The following LRRC8E variants were observed in gnomAD, a reference collection of about 807,000 sequenced individuals.
LRRC8E encodes leucine rich repeat containing 8 VRAC subunit E, also known as volume-regulated anion channel subunit LRRC8E.
A neutral mutation model predicts 6.1 loss-of-function variants in LRRC8E; 6 were observed. That is an observed-to-expected ratio of 0.98 (90% CI 0.54 to 1.93). The LOEUF (loss-of-function observed/expected upper bound fraction) is 1.93, where lower values mean the gene tolerates loss of function less well. Ranked by LOEUF, LRRC8E falls within the 30% of genes most tolerant of loss-of-function variation. LRRC8E has a pLI of 0.01. For synonymous variants in LRRC8E, 485 were observed against 472.8 expected, an observed-to-expected ratio of 1.03 and a Z score of -0.33; for missense variants, 1,028 against 1,031.4, an observed-to-expected ratio of 1.00 and a Z score of 0.04.
At position 7,899,878 on chromosome 19, in the gene LRRC8E, C is replaced by A; in HGVS notation, c.1356C>A (p.Phe452Leu). The A allele has an allele frequency of 6.2e-7, 1 of 1,606,148 alleles. No homozygotes were observed. Among genetic ancestry groups the A allele is most frequent in the Non-Finnish European group, 8.5e-7 (1 of 1,179,576 alleles). Residue 452 changes from phenylalanine to leucine, a missense_variant, in exon 3 of 3, where the codon TTC becomes TTA. Transcript: ENST00000306708. ...TGGAGGCCATCTGCGATATCACCTT[C>A]CCCCCGGGGCTGTCACAGCTGGTGC... ...LRLEAICDIT[F>L]PPGLSQLVHL... is the part of the protein sequence containing the mutation.
intron 1 of LRRC8E, among the ~76,000 whole-genome samples, chr19:7,894,793 G>T (rs771580597): frequency 3.9e-4 from 59 of 152,366 alleles, no homozygotes; most frequent in South Asian, 2.5e-3. Context: ...GGGCCGGCCA[G>T]GAGCCTGACA....
rs1448660725 is a variant in LRRC8E, at chr19:7,897,172, C to T, written c.138+1431C>T. 1.2e-4 allele frequency among the ~76,000 whole-genome samples: 17 copies of T among 147,452 alleles called. No individual in the cohort carries two copies. In the East Asian group the frequency reaches 3.0e-3, roughly 26 times the overall value. ...ACATTCTCCCAGTATTTTTCTTTTT[C>T]TTTTTCTTTTTTTTTTAGACAGAGT... On this transcript the variant is annotated intron_variant, in intron 2 of 2. Coordinates refer to ENST00000306708, the MANE Select transcript of LRRC8E (RefSeq NM_025061.6).
chr19:7,899,563 G>T lies in LRRC8E; in HGVS notation c.1041G>T (p.Val347=). The change falls in exon 3 of 3, where the codon GTG becomes GTT. Residue 347 remains valine (V), a synonymous_variant. Coordinates refer to ENST00000306708, the MANE Select transcript of LRRC8E (RefSeq NM_025061.6). ...RPLKEYSFRS[V]REETGMGDIP... is the part of the protein sequence containing the mutation. ...TCAAGGAGTACTCCTTCCGTTCCGT[G>T]CGGGAGGAGACTGGCATGGGGGACA... is the stretch of plus-strand genomic sequence containing the variant. The T allele has an allele frequency of 6.2e-7, 1 of 1,613,906 alleles. No homozygotes were observed. Among genetic ancestry groups the T allele is most frequent in the Non-Finnish European group, 8.5e-7 (1 of 1,180,046 alleles).
At position 7,895,600 on chromosome 19, in the gene LRRC8E, C is replaced by G. The variant is rs757956384; in HGVS notation, c.-4C>G. On this transcript the variant is annotated splice_region_variant and 5_prime_UTR_variant, in exon 2 of 3. Transcript: ENST00000306708. This position sits in a 1 kb window ranked among gnomAD's most constrained non-coding sequence, Gnocchi z 4.7. ...CCCCCGTCTCGTCCCGTCCCACAGG[C>G]AGCATGATCCCAGTGGCCGAGTTCA... 1 of 1,612,014 alleles carries G rather than the reference C, an allele frequency of 6.2e-7. No individual in the cohort carries two copies. Among genetic ancestry groups the G allele is most frequent in the East Asian group, 2.2e-5 (1 of 44,828 alleles).
chr19:7,894,751 G>A (rs511611), intron 1 of LRRC8E, among the ~76,000 whole-genome samples: 46,284 of 152,156 alleles, frequency 0.3, 7,558 homozygotes, highest in East Asian at 0.44. Flanking sequence ...TGATAGCTTG[G>A]TCTAAAAGGA....
chr19:7,895,590 G>T lies in LRRC8E; in HGVS notation c.-5-9G>T. The T allele has an allele frequency of 2.5e-6, 4 of 1,610,066 alleles. No homozygotes were observed. Among genetic ancestry groups the T allele is most frequent in the Non-Finnish European group, 3.4e-6 (4 of 1,176,626 alleles). On this transcript the variant is annotated splice_polypyrimidine_tract_variant and intron_variant, in intron 1 of 2. Coordinates refer to ENST00000306708, the MANE Select transcript of LRRC8E (RefSeq NM_025061.6). This position sits in a 1 kb window ranked among gnomAD's most constrained non-coding sequence, Gnocchi z 4.7. ...CTCTCTACACCCCCCGTCTCGTCCCGTCCCACAGGCAGCATGATCCCAGTG... is the reference window on the plus strand; with the variant it reads ...CTCTCTACACCCCCCGTCTCGTCCCTTCCCACAGGCAGCATGATCCCAGTG...
chr19:7,901,020 G>GGC lies in LRRC8E; in HGVS notation c.*108_*109insCG. 2 of 539,152 alleles carry GGC rather than the reference G, an allele frequency of 3.7e-6. 1 individual carries two copies. Among genetic ancestry groups the GGC allele is most frequent in the Non-Finnish European group, 5.1e-6 (2 of 392,066 alleles). The allele number at this position is 539,152 out of a possible 1,614,324, so 33.4% of individuals were successfully genotyped here. A position where few individuals can be genotyped will look rare whatever the true frequency, so the allele number is the denominator to read the frequency against. Reference sequence around the variant, plus strand: ...GCCAAGTGGGTCCAGGCCAGGAGATGGGGGGGGCGGGGGCAGCTGTGTCAT... The same window carrying GGC: ...GCCAAGTGGGTCCAGGCCAGGAGATGGCGGGGGGGCGGGGGCAGCTGTGTCAT... On this transcript the variant is annotated 3_prime_UTR_variant, in exon 3 of 3. Transcript: ENST00000306708.
At position 7,899,184 on chromosome 19, in the gene LRRC8E, C is replaced by A; in HGVS notation, c.662C>A (p.Thr221Asn). The change falls in exon 3 of 3, where the codon ACC becomes AAC. Residue 221 changes from threonine (T) to asparagine (N), a missense_variant. Physicochemically the swap from Thr to Asn is moderately conservative, Grantham distance 65. Transcript: ENST00000306708. The stretch of plus-strand genomic sequence containing the variant: ...GTGGTGACCGAGCCTCCAGTTGTCA[C>A]CCTGTTGGACAAGAAGGAGGGTGAG... ...EKVVTEPPVV[T>N]LLDKKEGEQA... 2 of 1,614,144 alleles carry A rather than the reference C, an allele frequency of 1.2e-6. No individual in the cohort carries two copies. The highest frequency in any genetic ancestry group is 1.7e-6 in the Non-Finnish European group (2 of 1,180,030).
chr19:7,894,319 C>T (rs1277272754), intron 1 of LRRC8E, among the ~76,000 whole-genome samples: 3 of 152,166 alleles, frequency 2.0e-5, no homozygotes, highest in African/African-American at 7.2e-5. Flanking sequence ...TCTGCCTCCC[C>T]GGATCAAGAC....
chr19:7,897,953 G>A (rs774593882), intron 2 of LRRC8E, among the ~76,000 whole-genome samples: 3 of 152,200 alleles, frequency 2.0e-5, no homozygotes, highest in Non-Finnish European at 2.9e-5. Flanking sequence ...GCTCATTCCT[G>A]TAATCCCAGC....
intron 1 of LRRC8E, chr19:7,893,893 C>G (rs945869508): frequency 2.0e-5 from 3 of 152,234 alleles, no homozygotes; most frequent in Non-Finnish European, 2.9e-5. Context: ...GTACCCACAC[C>G]CTTGCCTGCC....
In LRRC8E at chr19:7,899,388, A is replaced by G. The variant is rs1361869337; in HGVS notation, c.866A>G (p.Glu289Gly). 6.2e-6 allele frequency: 10 copies of G among 1,614,070 alleles called. No individual in the cohort carries two copies. Among genetic ancestry groups the G allele is most frequent in the Non-Finnish European group, 8.5e-6 (10 of 1,180,040 alleles). Reference protein sequence around the residue: ...KISFLVACRVETSEVTGYASF... With the variant: ...KISFLVACRVGTSEVTGYASF... ...AGTTTCCTGGTGGCCTGTAGGGTGG[A>G]GACGTCAGAGGTCACGGGCTACGCC... Residue 289 changes from glutamate (E) to glycine (G), a missense_variant, in exon 3 of 3, where the codon GAG (glutamate) becomes GGG (glycine). By Grantham distance (98) the Glu-to-Gly change is moderately conservative (BLOSUM62 -2). Transcript: ENST00000306708.
At position 7,899,292 on chromosome 19, in the gene LRRC8E, G is replaced by A. The variant is rs750100810; in HGVS notation, c.770G>A (p.Arg257Gln). ...GACATCCTGTACACCATGTACATCC[G>A]ACAGACGGTGCTGAAAGTGTGTAAG... Reference protein sequence around the residue: ...EGDILYTMYIRQTVLKVCKFL... With the variant: ...EGDILYTMYIQQTVLKVCKFL... Residue 257 changes from arginine to glutamine, a missense_variant, in exon 3 of 3, where the codon CGA becomes CAA. Transcript: ENST00000306708. The A allele has an allele frequency of 1.8e-5, 29 of 1,614,202 alleles. No individual in the cohort carries two copies. Among genetic ancestry groups the A allele is most frequent in the Non-Finnish European group, 2.3e-5 (27 of 1,180,036 alleles).
rs1487309473 is a variant in LRRC8E, at chr19:7,900,496, C to T, written c.1974C>T (p.Leu658=). Residue 658 remains leucine (L), a synonymous_variant, in exon 3 of 3, where the codon CTC becomes CTT. Coordinates refer to ENST00000306708, the MANE Select transcript of LRRC8E (RefSeq NM_025061.6). The surrounding 1 kb of genome is among the most constrained non-coding windows in gnomAD (Gnocchi z 5.0). ...GGAAGCTCAGGAGCCTGGAGCAGCT[C>T]TACCTCAGCTACAACAAGCTGGAGA... The part of the protein sequence containing the change: ...HVRKLRSLEQ[L]YLSYNKLETL... The T allele has an allele frequency of 6.2e-7, 1 of 1,612,902 alleles. No individual in the cohort carries two copies. The highest frequency in any genetic ancestry group is 2.2e-5 in the East Asian group (1 of 44,890).
At position 7,901,802 on chromosome 19, in the gene LRRC8E, A is replaced by G. The variant is rs1982038364; in HGVS notation, c.*889A>G. 6.6e-6 allele frequency: 1 copy of G among 151,924 alleles called. No homozygotes were observed. The highest frequency in any genetic ancestry group is 1.5e-5 in the Non-Finnish European group (1 of 68,022). 9.4% of individuals were successfully genotyped at this position (151,924 alleles called of 1,614,324 possible). On this transcript the variant is annotated 3_prime_UTR_variant, in exon 3 of 3. Coordinates refer to ENST00000306708, the MANE Select transcript of LRRC8E (RefSeq NM_025061.6). ...CTTTGAGAAACTGATGAAGCCAGGC[A>G]CCTCCTTCCTCAGGAAAATGCTGGT...
In LRRC8E at chr19:7,901,022, G is replaced by T. The variant is rs952329786; in HGVS notation, c.*109G>T. ...CAAGTGGGTCCAGGCCAGGAGATGG[G>T]GGGGGCGGGGGCAGCTGTGTCATCT... On this transcript the variant is annotated 3_prime_UTR_variant, in exon 3 of 3. Coordinates refer to ENST00000306708, the MANE Select transcript of LRRC8E (RefSeq NM_025061.6). 1.6e-6 allele frequency: 1 copy of T among 613,842 alleles called. No homozygotes were observed. The highest frequency in any genetic ancestry group is 6.1e-5 in the East Asian group (1 of 16,298). 38.0% of individuals were successfully genotyped at this position (613,842 alleles called of 1,614,324 possible). A position where few individuals can be genotyped will look rare whatever the true frequency, so the allele number is the denominator to read the frequency against.
chr19:7,894,678 C>T (rs879376313), intron 1 of LRRC8E, among the ~76,000 whole-genome samples: 2 of 152,210 alleles, frequency 1.3e-5, no homozygotes, highest in Admixed American at 1.3e-4. Flanking sequence ...GGGAGAGTGA[C>T]ATCTCAGCTC....
chr19:7,900,903 A>C lies in LRRC8E; in HGVS notation c.2381A>C (p.Glu794Ala). Reference protein sequence around the residue: ...GLPAEVRDKMEEE With the variant: ...GLPAEVRDKMAEE ...CCGGCAGAAGTGCGGGACAAGATGG[A>C]GGAGGAATGAAGCTGGGGTGGGGCC... Residue 794 changes from glutamate (E) to alanine (A), a missense_variant, in exon 3 of 3, where the codon GAG (glutamate) becomes GCG (alanine). Glu to Ala is a moderately radical substitution (Grantham distance 107, BLOSUM62 -1). Coordinates refer to ENST00000306708, the MANE Select transcript of LRRC8E (RefSeq NM_025061.6). The surrounding 1 kb of genome is among the most constrained non-coding windows in gnomAD (Gnocchi z 5.0). 1 of 1,518,542 alleles carries C rather than the reference A, an allele frequency of 6.6e-7. No individual in the cohort carries two copies. Among genetic ancestry groups the C allele is most frequent in the Non-Finnish European group, 8.8e-7 (1 of 1,135,468 alleles). 94.1% of individuals were successfully genotyped at this position (1,518,542 alleles called of 1,614,324 possible).
At chr19:7,891,638 G>A (rs888854810) in intron 1 of LRRC8E, among the ~76,000 whole-genome samples, 2 of 151,800 alleles carry the variant, frequency 1.3e-5, no homozygotes, top group Admixed American at 6.6e-5. Context: ...ACGGAGTCTC[G>A]CTCTGTCGCC....
Sources: gnomAD v4.1 joint callset for allele counts (sites outside exome capture counted in the v4.1 genomes callset) on GRCh38, gnomAD v4.1.1 for gene constraint, Gnocchi (gnomAD v3.1) non-coding constraint, MANE v1.5 for transcripts, NCBI Gene and HGNC (gene_info 2026-07-23, HGNC 2026-07-21) for gene names.